Variants in KCNMB4 observed in about 807,000 individuals in gnomAD.
KCNMB4 encodes potassium calcium-activated channel subfamily M regulatory beta subunit 4.
KCNMB4 carries 3 observed loss-of-function variants against 20.7 expected under a neutral mutation model. That is an observed-to-expected ratio of 0.14 (90% CI 0.07 to 0.37). The LOEUF is 0.37. KCNMB4 is among the 10% of genes least tolerant of loss of function. The probability of loss-of-function intolerance (pLI) is 1.00; values close to 1 mark genes in which losing one functional copy is unlikely to be tolerated. For synonymous variants in KCNMB4, 110 were observed against 113.4 expected (o/e 0.97, Z 0.19); for missense variants, 168 against 265.9 (o/e 0.63, Z 2.56).
chr12:70,405,919 G>A (rs534971100), intron 2 of KCNMB4, among the ~76,000 whole-genome samples: 1 of 152,234 alleles, frequency 6.6e-6, no homozygotes, highest in East Asian at 1.9e-4. Flanking sequence ...AATATGGTAT[G>A]TACATACAAT....
chr12:70,379,842 A>G lies in KCNMB4; in HGVS notation c.336+12772A>G, dbSNP rs769458452. Among the ~76,000 whole-genome samples, 6 of 152,308 alleles carry G rather than the reference A, an allele frequency of 3.9e-5. No individual in the cohort carries two copies. The East Asian group carries it at 9.7e-4, about 25-fold the overall frequency. On this transcript the variant is annotated intron_variant, in intron 1 of 2. Coordinates refer to ENST00000258111, the MANE Select transcript of KCNMB4 (RefSeq NM_014505.6). ...TAAAGAGGGTAGAGCATTGCTCTGG[A>G]TTAGGCTTTGGCTTAAAGAAATGTT...
rs558129548 is a variant in KCNMB4, at chr12:70,376,211, C to T, written c.336+9141C>T. 8.7e-5 allele frequency among the ~76,000 whole-genome samples: 13 copies of T among 148,652 alleles called. No homozygotes were observed. In the East Asian group the frequency reaches 2.6e-3, roughly 29 times the overall value. ...GGGAACTTCTCAACCTGAAAAAGGA[C>T]ACCTATGAAAAAGCCTCAGCTAATA... On this transcript the variant is annotated intron_variant, in intron 1 of 2. Transcript: ENST00000258111.
intron 2 of KCNMB4, among the ~76,000 whole-genome samples, chr12:70,427,705 C>G (rs1403167807): frequency 6.6e-6 from 1 of 152,046 alleles, no homozygotes; most frequent in Admixed American, 6.5e-5. Flanking sequence ...ATTTTTCTCT[C>G]CTCCTCTTCT....
chr12:70,419,458 TCAG>T (rs1868993183), intron 2 of KCNMB4, among the ~76,000 whole-genome samples: 1 of 152,158 alleles, frequency 6.6e-6, no homozygotes, highest in Non-Finnish European at 1.5e-5. Context: ...GGATCAGAAA[TCAG>T]CAGTATCAAA....
chr12:70,404,454 C>T (rs1008620212), intron 2 of KCNMB4, among the ~76,000 whole-genome samples: 5 of 152,096 alleles, frequency 3.3e-5, no homozygotes, highest in South Asian at 2.1e-4. Flanking sequence ...TAAATACTAG[C>T]CCCATTTAAC....
intron 2 of KCNMB4, among the ~76,000 whole-genome samples, chr12:70,401,486 C>A (rs1430242703): frequency 6.6e-6 from 1 of 152,152 alleles, no homozygotes; most frequent in Non-Finnish European, 1.5e-5. Context: ...CATAGTACTG[C>A]CAAGGTAATC....
chr12:70,413,497 A>G lies in KCNMB4; in HGVS notation c.464+13161A>G, dbSNP rs557511710. Among the ~76,000 whole-genome samples the G allele has an allele frequency of 1.2e-4, 18 of 152,216 alleles. No homozygotes were observed. In the East Asian group the frequency reaches 1.7e-3, roughly 15 times the overall value. ...AGGAGACTCCACTCCATTTCTATCC[A>G]TGGCTCTCTTCGTGACTTAGTGATT... On this transcript the variant is annotated intron_variant, in intron 2 of 2. Coordinates refer to ENST00000258111, the MANE Select transcript of KCNMB4 (RefSeq NM_014505.6).
At chr12:70,376,710 T>TAA (rs1240118178) in intron 1 of KCNMB4, among the ~76,000 whole-genome samples, 1 of 139,796 alleles carries the variant, frequency 7.2e-6, no homozygotes, top group Non-Finnish European at 1.6e-5. Flanking sequence ...CTACAAAAAT[T>TAA]AAAAAAAAAC....
At chr12:70,420,678 T>C (rs1374965972) in intron 2 of KCNMB4, among the ~76,000 whole-genome samples, 2 of 152,180 alleles carry the variant, frequency 1.3e-5, no homozygotes, top group Non-Finnish European at 2.9e-5. Context: ...CAATAGGAAA[T>C]AGATACAGGC....
chr12:70,407,724 C>T (rs1593340147), intron 2 of KCNMB4, among the ~76,000 whole-genome samples: 1 of 151,954 alleles, frequency 6.6e-6, no homozygotes, highest in Admixed American at 6.6e-5. Flanking sequence ...GCCTCAGCCT[C>T]CCAAAGTGCT....
At chr12:70,391,763 C>T (rs577636407) in intron 1 of KCNMB4, among the ~76,000 whole-genome samples, 4 of 152,272 alleles carry the variant, frequency 2.6e-5, no homozygotes, top group East Asian at 1.9e-4. Flanking sequence ...TGAGCATTCT[C>T]GAGAGAGATG....
Position 70,366,353 on chromosome 12 carries a change from G to C in KCNMB4, c.-382G>C, listed in dbSNP as rs1883487276. 1 of 150,846 alleles carries C rather than the reference G, an allele frequency of 6.6e-6. No individual in the cohort carries two copies. The highest frequency in any genetic ancestry group is 1.5e-5 in the Non-Finnish European group (1 of 67,674). 9.3% of individuals were successfully genotyped at this position (150,846 alleles called of 1,614,324 possible). ...GCGGAGTAGCGGCCAGCGGGCGATGGAGACAGAGAGACACCCGACGAGAGG... is the reference window on the plus strand; with the variant it reads ...GCGGAGTAGCGGCCAGCGGGCGATGCAGACAGAGAGACACCCGACGAGAGG... On this transcript the variant is annotated 5_prime_UTR_variant, in exon 1 of 3. Coordinates refer to ENST00000258111, the MANE Select transcript of KCNMB4 (RefSeq NM_014505.6).
chr12:70,392,237 A>G (rs1160682053), intron 1 of KCNMB4, among the ~76,000 whole-genome samples: 2 of 152,210 alleles, frequency 1.3e-5, no homozygotes, highest in South Asian at 2.1e-4. Context: ...AGTATTGACC[A>G]TCTCCATTAG....
At chr12:70,370,848 A>G (rs544979594) in intron 1 of KCNMB4, among the ~76,000 whole-genome samples, 4 of 150,632 alleles carry the variant, frequency 2.7e-5, no homozygotes, top group Admixed American at 6.6e-5. Flanking sequence ...TAGAGATAAT[A>G]TGGTTATTTC....
At chr12:70,408,300 C>CT (rs1012353531) in intron 2 of KCNMB4, among the ~76,000 whole-genome samples, 2 of 152,126 alleles carry the variant, frequency 1.3e-5, no homozygotes, top group African/African-American at 4.8e-5. Flanking sequence ...TCTTAGTACA[C>CT]TTTTTACTAC....
intron 1 of KCNMB4, among the ~76,000 whole-genome samples, chr12:70,370,867 A>T (rs1795616486): frequency 6.6e-6 from 1 of 150,584 alleles, no homozygotes; most frequent in African/African-American, 2.4e-5. Flanking sequence ...TCATTTATTT[A>T]TTTATTTATT....
At chr12:70,395,507 T>A (rs1388036134) in intron 1 of KCNMB4, among the ~76,000 whole-genome samples, 1 of 152,112 alleles carries the variant, frequency 6.6e-6, no homozygotes, top group Admixed American at 6.5e-5. Context: ...TAAATCCCAT[T>A]GTGGTTGGCA....
At chr12:70,426,442 A>C (rs528379082) in intron 2 of KCNMB4, among the ~76,000 whole-genome samples, 2 of 152,244 alleles carry the variant, frequency 1.3e-5, no homozygotes. Context: ...CGAAGTGCAC[A>C]TAAGAATCAT....
In KCNMB4 at chr12:70,419,891, T is replaced by G. The variant is rs1869007179; in HGVS notation, c.465-10594T>G. Among the ~76,000 whole-genome samples the G allele has an allele frequency of 2.0e-5, 3 of 152,104 alleles. No individual in the cohort carries two copies. In the South Asian group the frequency reaches 6.2e-4, roughly 32 times the overall value. On this transcript the variant is annotated intron_variant, in intron 2 of 2. Coordinates refer to ENST00000258111, the MANE Select transcript of KCNMB4 (RefSeq NM_014505.6). ...GATAGTGGTGGAAATAGTGGAGATC[T>G]ACCTAGGCAAAGGCACAATGTAGGA...
Sources: gnomAD v4.1 joint callset for allele counts (sites outside exome capture counted in the v4.1 genomes callset) on GRCh38, gnomAD v4.1.1 for gene constraint, MANE v1.5 for transcripts, NCBI Gene and HGNC (gene_info 2026-07-23, HGNC 2026-07-21) for gene names.